The following NKAIN2 variants were observed in gnomAD, a reference collection of about 807,000 sequenced individuals.
The protein encoded by NKAIN2 is sodium/potassium transporting ATPase interacting 2.
A neutral mutation model predicts 32.6 loss-of-function variants in NKAIN2; 14 were observed. The ratio of observed to expected loss-of-function variants is 0.43; its 90% CI spans 0.28 to 0.67. The LOEUF (loss-of-function observed/expected upper bound fraction) is 0.67, where lower values mean the gene tolerates loss of function less well. Among genes scored for constraint, NKAIN2 ranks in the 30% least tolerant of loss-of-function variants. NKAIN2 has a pLI of 0.17. For missense variants in NKAIN2, 198 were observed against 258.3 expected, an observed-to-expected ratio of 0.77 and a Z score of 1.60; for synonymous variants, 80 against 87.2, an observed-to-expected ratio of 0.92 and a Z score of 0.46.
intron 1 of NKAIN2, among the ~76,000 whole-genome samples, chr6:123,933,452 A>G (rs917447939): frequency 6.6e-6 from 1 of 152,218 alleles, no homozygotes; most frequent in African/African-American, 2.4e-5. Context: ...GTGGCACAAA[A>G]CTATCTCAAC....
At chr6:124,040,487 CTT>C in intron 1 of NKAIN2, among the ~76,000 whole-genome samples, 1 of 151,994 alleles carries the variant, frequency 6.6e-6, no homozygotes, top group Admixed American at 6.6e-5. Context: ...TCTATTTCCT[CTT>C]TGTCATAATT....
chr6:124,729,318 T>C (rs1322806954), intron 4 of NKAIN2, among the ~76,000 whole-genome samples: 2 of 150,216 alleles, frequency 1.3e-5, no homozygotes, highest in Non-Finnish European at 3.0e-5. Context: ...AATAAAATAC[T>C]GGCAAACCGA....
intron 1 of NKAIN2, among the ~76,000 whole-genome samples, chr6:124,278,821 G>A (rs1221219824): frequency 6.6e-6 from 1 of 151,242 alleles, no homozygotes; most frequent in Non-Finnish European, 1.5e-5. Flanking sequence ...TTGTCCTATG[G>A]CTATATTAAC....
intron 1 of NKAIN2, among the ~76,000 whole-genome samples, chr6:124,026,470 A>G (rs755648919): frequency 2.0e-5 from 3 of 152,154 alleles, no homozygotes; most frequent in Non-Finnish European, 2.9e-5. Context: ...TCAGTAAGCT[A>G]TAATATTTAC....
chr6:124,487,597 A>G (rs987189744), intron 3 of NKAIN2, among the ~76,000 whole-genome samples: 13 of 152,266 alleles, frequency 8.5e-5, no homozygotes, highest in African/African-American at 2.6e-4. Flanking sequence ...TCACAGCTGT[A>G]ATTGTTAGTA....
chr6:123,805,737 G>C (rs1408961883), intron 1 of NKAIN2, among the ~76,000 whole-genome samples: 1 of 152,136 alleles, frequency 6.6e-6, no homozygotes, highest in Non-Finnish European at 1.5e-5. Flanking sequence ...CTGCCAAACT[G>C]TATAAAGGTT....
At chr6:124,610,288 G>C (rs1020373893) in intron 3 of NKAIN2, among the ~76,000 whole-genome samples, 1 of 152,148 alleles carries the variant, frequency 6.6e-6, no homozygotes, top group African/African-American at 2.4e-5. Flanking sequence ...GTATTATCTA[G>C]AACTTATCCC....
chr6:124,113,023 T>C (rs1400244222), intron 1 of NKAIN2, among the ~76,000 whole-genome samples: 1 of 152,140 alleles, frequency 6.6e-6, no homozygotes, highest in Admixed American at 6.6e-5. Flanking sequence ...TTAGGGTTGA[T>C]TTCTGGAAGT....
At chr6:123,984,650 T>C (rs1465021235) in intron 1 of NKAIN2, among the ~76,000 whole-genome samples, 1 of 152,190 alleles carries the variant, frequency 6.6e-6, no homozygotes, top group Non-Finnish European at 1.5e-5. Flanking sequence ...TGATAAGCAA[T>C]GTAAATCCTC....
intron 2 of NKAIN2, among the ~76,000 whole-genome samples, chr6:124,322,321 T>A (rs1797232338): frequency 6.6e-6 from 1 of 152,118 alleles, no homozygotes. Context: ...ATAATTAGAT[T>A]TATAGGAAGT....
intron 3 of NKAIN2, among the ~76,000 whole-genome samples, chr6:124,489,950 G>A (rs886919568): frequency 5.9e-5 from 9 of 151,918 alleles, no homozygotes; most frequent in African/African-American, 2.2e-4. Flanking sequence ...CATATGTAGG[G>A]CTATAATTAT....
At chr6:124,169,099 GCA>G (rs1351760088) in intron 1 of NKAIN2, among the ~76,000 whole-genome samples, 1 of 152,020 alleles carries the variant, frequency 6.6e-6, no homozygotes, top group Non-Finnish European at 1.5e-5. Context: ...GTGTATATGT[GCA>G]CAGACACATA....
At chr6:124,443,655 C>A (rs989154838) in intron 3 of NKAIN2, among the ~76,000 whole-genome samples, 1 of 152,084 alleles carries the variant, frequency 6.6e-6, no homozygotes, top group African/African-American at 2.4e-5. Flanking sequence ...GGGTGAGATA[C>A]TGATTTTACT....
At chr6:124,725,162 A>C (rs1271103826) in intron 4 of NKAIN2, among the ~76,000 whole-genome samples, 1 of 152,158 alleles carries the variant, frequency 6.6e-6, no homozygotes, top group Non-Finnish European at 1.5e-5. Flanking sequence ...TACCTAGAAT[A>C]TCTTCTCACT....
At chr6:124,159,566 A>G (rs1463657925) in intron 1 of NKAIN2, among the ~76,000 whole-genome samples, 1 of 152,176 alleles carries the variant, frequency 6.6e-6, no homozygotes, top group Non-Finnish European at 1.5e-5. Flanking sequence ...CTTACACTAA[A>G]CGTGATGTCT....
chr6:124,771,063 G>A (rs890532832), intron 4 of NKAIN2, among the ~76,000 whole-genome samples: 1 of 152,092 alleles, frequency 6.6e-6, no homozygotes, highest in African/African-American at 2.4e-5. Flanking sequence ...AGACTTCCCT[G>A]CAGATCCTAA....
At chr6:123,883,696 G>C (rs1457059911) in intron 1 of NKAIN2, among the ~76,000 whole-genome samples, 1 of 145,046 alleles carries the variant, frequency 6.9e-6, no homozygotes, top group Non-Finnish European at 1.5e-5. Context: ...AAAAATTACC[G>C]GCCAGGCAAT....
intron 1 of NKAIN2, among the ~76,000 whole-genome samples, chr6:124,235,633 C>T (rs1327111733): frequency 1.3e-5 from 2 of 150,236 alleles, no homozygotes; most frequent in Admixed American, 6.6e-5. Context: ...GAGTCTCACT[C>T]TGTCACCCAG....
intron 1 of NKAIN2, among the ~76,000 whole-genome samples, chr6:123,894,520 C>G (rs184901683): frequency 2.6e-5 from 4 of 151,942 alleles, no homozygotes; most frequent in African/African-American, 4.8e-5. Context: ...ATCTGTAAAA[C>G]CTGAGAAGCA....
Sources: allele counts gnomAD v4.1 joint callset (sites outside exome capture counted in the v4.1 genomes callset), GRCh38; gene constraint gnomAD v4.1.1; transcripts MANE v1.5; gene names NCBI Gene and HGNC (gene_info 2026-07-23, HGNC 2026-07-21).